UCK2: variants seen among roughly 807,000 people sequenced by gnomAD.
The protein encoded by UCK2 is uridine-cytidine kinase 2.
Under a neutral mutation model 30.8 loss-of-function variants are expected in UCK2, and 6 were observed. The ratio of observed to expected loss-of-function variants is 0.19; its 90% CI spans 0.11 to 0.38. UCK2 has a LOEUF of 0.38. Ranked by LOEUF, UCK2 falls within the 10% of genes least tolerant of loss-of-function variation. The pLI, the probability that UCK2 is intolerant of heterozygous loss-of-function variation, is 1.00. For missense variants in UCK2, 210 were observed against 339.8 expected (o/e 0.62, Z 3.00); for synonymous variants, 125 against 133.6 (o/e 0.94, Z 0.45).
intron 1 of UCK2, among the ~76,000 whole-genome samples, chr1:165,880,590 T>G (rs1467320069): frequency 5.0e-5 from 5 of 99,324 alleles, no homozygotes; most frequent in Non-Finnish European, 1.2e-4. Flanking sequence ...TGTGTGTGTG[T>G]GTGTGTGTGT....
chr1:165,885,461 A>G (rs953584934), intron 1 of UCK2: 40 of 397,304 alleles, frequency 1.0e-4, no homozygotes, highest in Non-Finnish European at 1.7e-4. Context: ...CCTTGTATTG[A>G]CCTTCACCTA....
At chr1:165,880,612 T>A (rs1024769223) in intron 1 of UCK2, among the ~76,000 whole-genome samples, 1 of 150,056 alleles carries the variant, frequency 6.7e-6, no homozygotes, top group Non-Finnish European at 1.5e-5. Flanking sequence ...TGTGTGTGTG[T>A]GTGATGTCTT....
intron 1 of UCK2, chr1:165,885,010 A>G (rs1655584474): frequency 5.1e-6 from 1 of 196,586 alleles, no homozygotes; most frequent in Non-Finnish European, 1.0e-5. Context: ...TTTAATAGGC[A>G]CATCACTTGC....
intron 1 of UCK2, among the ~76,000 whole-genome samples, chr1:165,880,557 TTTTTTGGGGGTGTGTG>T: frequency 2.2e-5 from 2 of 89,614 alleles, no homozygotes; most frequent in African/African-American, 7.9e-5. Context: ...CCATTCAGTT[TTTTTTGGGGGTGTGTG>T]TGTGTGTGTG....
intron 4 of UCK2, among the ~76,000 whole-genome samples, chr1:165,898,248 G>A (rs1557848965): frequency 6.6e-6 from 1 of 152,030 alleles, no homozygotes; most frequent in Non-Finnish European, 1.5e-5. Flanking sequence ...CTAGATGTGT[G>A]GCAAATTGTG....
chr1:165,841,793 T>C (rs1410211890), intron 1 of UCK2, among the ~76,000 whole-genome samples: 4 of 152,154 alleles, frequency 2.6e-5, no homozygotes, highest in African/African-American at 9.7e-5. Context: ...CCTTTACTGG[T>C]TTCCTGTAGC....
chr1:165,859,175 C>A (rs1289782465), intron 1 of UCK2, among the ~76,000 whole-genome samples: 1 of 149,904 alleles, frequency 6.7e-6, no homozygotes, highest in Non-Finnish European at 1.5e-5. Flanking sequence ...GGCAGGTGTT[C>A]TGAGTGGGTG....
At chr1:165,901,276 T>A (rs1360666436) in intron 4 of UCK2, among the ~76,000 whole-genome samples, 2 of 152,206 alleles carry the variant, frequency 1.3e-5, no homozygotes, top group East Asian at 3.8e-4. Context: ...GAGAAAACAC[T>A]TCGTAAATCG....
At chr1:165,853,100 A>T (rs372066073) in intron 1 of UCK2, among the ~76,000 whole-genome samples, 67 of 152,240 alleles carry the variant, frequency 4.4e-4, no homozygotes, top group African/African-American at 1.5e-3. Context: ...GCTTTGTAGA[A>T]TCATATGTGT....
At chr1:165,887,862 C>A (rs1172591625) in intron 1 of UCK2, among the ~76,000 whole-genome samples, 1 of 151,430 alleles carries the variant, frequency 6.6e-6, no homozygotes, top group African/African-American at 2.4e-5. Flanking sequence ...GAAAGTTTTA[C>A]TGTTCTGTGA....
At chr1:165,896,051 G>A in intron 3 of UCK2, 139 bp from the exon 4 acceptor site, 1 of 1,109,836 alleles carries the variant, frequency 9.0e-7, no homozygotes, top group African/African-American at 1.6e-5. Flanking sequence ...GACCATATTA[G>A]CCAAGTCTTT....
At chr1:165,857,372 T>G (rs1654773819) in intron 1 of UCK2, among the ~76,000 whole-genome samples, 1 of 152,176 alleles carries the variant, frequency 6.6e-6, no homozygotes, top group African/African-American at 2.4e-5. Flanking sequence ...TACCTGGCAT[T>G]GCAAAGATGA....
intron 1 of UCK2, among the ~76,000 whole-genome samples, chr1:165,834,421 C>T (rs1221851484): frequency 6.6e-6 from 1 of 152,048 alleles, no homozygotes; most frequent in Non-Finnish European, 1.5e-5. Flanking sequence ...GCCTTAGTCC[C>T]ACCATTGCAA....
chr1:165,860,841 C>G (rs973395745), intron 1 of UCK2, among the ~76,000 whole-genome samples: 4 of 152,078 alleles, frequency 2.6e-5, no homozygotes, highest in Admixed American at 2.6e-4. Flanking sequence ...GTGGTCAACT[C>G]CAAGAGAGTA....
At chr1:165,850,494 C>T (rs897082377) in intron 1 of UCK2, among the ~76,000 whole-genome samples, 12 of 152,172 alleles carry the variant, frequency 7.9e-5, no homozygotes, top group South Asian at 2.1e-4. Flanking sequence ...GGCTGGAGTG[C>T]AGTGGCATGA....
intron 4 of UCK2, 151 bp downstream of exon 4, chr1:165,896,483 A>G: frequency 2.4e-6 from 2 of 829,604 alleles, no homozygotes; most frequent in Admixed American, 2.4e-5. Flanking sequence ...CGGCTGCGTC[A>G]GTCCAGCCCC....
chr1:165,884,034 TG>T, intron 1 of UCK2, among the ~76,000 whole-genome samples: 1 of 152,250 alleles, frequency 6.6e-6, no homozygotes, highest in East Asian at 1.9e-4. Flanking sequence ...ATGTAATGTC[TG>T]GGGGCTGCAA....
chr1:165,846,799 C>G (rs1040466609), intron 1 of UCK2, among the ~76,000 whole-genome samples: 1 of 151,998 alleles, frequency 6.6e-6, no homozygotes, highest in Non-Finnish European at 1.5e-5. Context: ...ATTCCTAGTC[C>G]CAGAAAATGA....
intron 1 of UCK2, among the ~76,000 whole-genome samples, chr1:165,846,389 G>T (rs547662161): frequency 2.6e-5 from 4 of 152,238 alleles, no homozygotes; most frequent in South Asian, 4.1e-4. Flanking sequence ...TTTGACTGTG[G>T]TCTTTTCCTA....
Sources: gnomAD v4.1 joint callset for allele counts (sites outside exome capture counted in the v4.1 genomes callset) on GRCh38, gnomAD v4.1.1 for gene constraint, MANE v1.5 for transcripts, NCBI Gene and HGNC (gene_info 2026-07-23, HGNC 2026-07-21) for gene names.